AHRR: variants seen among roughly 807,000 people sequenced by gnomAD.
AHRR encodes the protein aryl hydrocarbon receptor repressor.
In AHRR, 28 loss-of-function variants were observed where a neutral mutation model predicts 44.0. That is an observed-to-expected ratio of 0.64 (90% CI 0.47 to 0.87). The LOEUF is 0.87. AHRR is among the 40% of genes least tolerant of loss of function. The pLI, the probability that AHRR is intolerant of heterozygous loss-of-function variation, is 0.00. For synonymous variants in AHRR, 434 were observed against 407.0 expected (o/e 1.07, Z -0.80); for missense variants, 990 against 953.9 (o/e 1.04, Z -0.50).
Position 383,550 on chromosome 5 carries a change from C to A in AHRR, c.351+6834C>A, listed in dbSNP as rs1734063445. Among the ~76,000 whole-genome samples the A allele has an allele frequency of 6.6e-6, 1 of 151,392 alleles. No homozygotes were observed. The highest frequency in any genetic ancestry group is 1.5e-5 in the Non-Finnish European group (1 of 67,890). On this transcript the variant is annotated intron_variant, in intron 4 of 10. Transcript: ENST00000684583. This position sits in a 1 kb window ranked among gnomAD's most constrained non-coding sequence, Gnocchi z 4.0. ...CTTTGTCTGGTACTAATATAGCATT[C>A]CAGCTTTCTTTTCTTTTTTTTTTTT...
chr5:369,150 C>T (rs1314089102), intron 3 of AHRR, among the ~76,000 whole-genome samples: 1 of 152,216 alleles, frequency 6.6e-6, no homozygotes, highest in African/African-American at 2.4e-5. Context: ...CTGGGACCCC[C>T]TTCTGACTTG....
At chr5:354,612 C>T (rs937621833) in intron 3 of AHRR, among the ~76,000 whole-genome samples, 1 of 151,976 alleles carries the variant, frequency 6.6e-6, no homozygotes, top group Non-Finnish European at 1.5e-5. Context: ...GACCGTGGGG[C>T]CTTTGCTGTT....
At chr5:415,405 TCGGGTGGGAGGCCTA>T (rs1735704301) in intron 5 of AHRR, among the ~76,000 whole-genome samples, 10 of 133,598 alleles carry the variant, frequency 7.5e-5, no homozygotes, top group African/African-American at 1.8e-4. Context: ...GTCTGCCTGG[TCGGGTGGGAGGCCTA>T]GGGGCCGAAT....
intron 3 of AHRR, among the ~76,000 whole-genome samples, chr5:371,426 G>A (rs191715037): frequency 6.6e-6 from 1 of 152,216 alleles, no homozygotes; most frequent in Non-Finnish European, 1.5e-5. Flanking sequence ...CAGGATTTCA[G>A]CCCAGCCCTG....
intron 3 of AHRR, among the ~76,000 whole-genome samples, chr5:361,277 G>T (rs1190199346): frequency 2.0e-5 from 3 of 152,178 alleles, no homozygotes. Flanking sequence ...ACTTGCACGT[G>T]GTGAAACAGC....
At chr5:426,998 AGATG>A (rs35631406) in intron 7 of AHRR, among the ~76,000 whole-genome samples, 4,209 of 132,046 alleles carry the variant, frequency 0.032, 113 homozygotes, top group Middle Eastern at 0.1. Flanking sequence ...GTGGATGTGA[AGATG>A]GATGGGTGGG....
At chr5:410,052 C>T (rs79666096) in intron 4 of AHRR, among the ~76,000 whole-genome samples, 1 of 152,316 alleles carries the variant, frequency 6.6e-6, no homozygotes, top group African/African-American at 2.4e-5. Flanking sequence ...AGTGCCTTGG[C>T]TGAGGGTCAG....
chr5:392,274 G>A (rs112458321), intron 4 of AHRR, among the ~76,000 whole-genome samples: 105 of 53,952 alleles, frequency 1.9e-3, no homozygotes, highest in African/African-American at 9.9e-3. Context: ...GCGTGCACGG[G>A]CGCAGGGCGA....
chr5:340,688 A>ATATATATATATTTT (rs1269938749), intron 1 of AHRR, among the ~76,000 whole-genome samples: 1 of 12,916 alleles, frequency 7.7e-5, no homozygotes, highest in East Asian at 1.8e-3. Context: ...ATATATATAT[A>ATATATATATATTTT]TTTTTTTTTT....
Position 383,661 on chromosome 5 carries a change from CAA to C in AHRR, c.351+6946_351+6947del, listed in dbSNP as rs1277545671. On this transcript the variant is annotated intron_variant, in intron 4 of 10. Coordinates refer to ENST00000684583, the MANE Select transcript of AHRR (RefSeq NM_001377236.1). The surrounding 1 kb of genome is among the most constrained non-coding windows in gnomAD (Gnocchi z 4.0). The stretch of plus-strand genomic sequence containing the variant: ...CACTGTAACCTTGAACTCCTGAGCT[CAA>C]GAGATCCTCCCGCTTCAGCTTCTTG... 2.0e-5 allele frequency among the ~76,000 whole-genome samples: 3 copies of C among 152,032 alleles called. No homozygotes were observed.
intron 1 of AHRR, among the ~76,000 whole-genome samples, chr5:325,449 A>T (rs1245810982): frequency 6.6e-6 from 1 of 152,124 alleles, no homozygotes; most frequent in East Asian, 1.9e-4. Flanking sequence ...TTCCTGTTTG[A>T]GTCGAAAGGC....
intron 3 of AHRR, among the ~76,000 whole-genome samples, chr5:354,112 A>G (rs921203006): frequency 6.6e-6 from 1 of 152,186 alleles, no homozygotes; most frequent in East Asian, 1.9e-4. Flanking sequence ...CCCTGGGGCC[A>G]GGTCTGGCCC....
At chr5:407,201 G>A (rs946369447) in intron 4 of AHRR, among the ~76,000 whole-genome samples, 2 of 152,110 alleles carry the variant, frequency 1.3e-5, no homozygotes, top group African/African-American at 2.4e-5. Flanking sequence ...TGCCAGCTGC[G>A]TAATCAGTTT....
At chr5:340,689 T>TATATATATATATA (rs1491423678) in intron 1 of AHRR, among the ~76,000 whole-genome samples, 17 of 17,372 alleles carry the variant, frequency 9.8e-4, no homozygotes, top group Non-Finnish European at 1.2e-3. Context: ...TATATATATA[T>TATATATATATATA]TTTTTTTTTT....
chr5:429,101 T>C (rs1736600908), intron 8 of AHRR, among the ~76,000 whole-genome samples: 1 of 152,186 alleles, frequency 6.6e-6, no homozygotes, highest in Non-Finnish European at 1.5e-5. Flanking sequence ...TTTCCTAGAA[T>C]GTGTTAAGTC....
chr5:420,805 GCAGCCACCCAC>G (rs1736051920), intron 5 of AHRR: 1 of 79,844 alleles, frequency 1.3e-5, no homozygotes, highest in African/African-American at 1.5e-4. Context: ...ACGCAGCCAC[GCAGCCACCCAC>G]CCACGCAGCC....
rs926822427 is a variant in AHRR, at chr5:428,078, T to C, written c.908+72T>C. 1.7e-5 allele frequency: 25 copies of C among 1,461,750 alleles called. No individual in the cohort carries two copies. In the Middle Eastern group the frequency reaches 5.5e-4, roughly 32 times the overall value. The allele number at this position is 1,461,750 out of a possible 1,614,324, so 90.5% of individuals were successfully genotyped here. A position where few individuals can be genotyped will look rare whatever the true frequency, so the allele number is the denominator to read the frequency against. ...CCCCACAAAACACCTCCACACTCAG[T>C]GTTTTCTGTGTCTTCTTTCTTCATT... On this transcript the variant is annotated intron_variant, in intron 8 of 10. Transcript: ENST00000684583.
At chr5:430,746 T>G (rs1736686017) in intron 8 of AHRR, among the ~76,000 whole-genome samples, 1 of 152,210 alleles carries the variant, frequency 6.6e-6, no homozygotes, top group Non-Finnish European at 1.5e-5. Flanking sequence ...TGGGCCCTGC[T>G]AGCCCCACCT....
chr5:420,720 G>A (rs1298589666), intron 5 of AHRR, among the ~76,000 whole-genome samples: 1 of 151,930 alleles, frequency 6.6e-6, no homozygotes, highest in South Asian at 2.1e-4. Context: ...ATGGAAGGCG[G>A]CCCAGAAGGG....
Sources: allele counts gnomAD v4.1 joint callset (sites outside exome capture counted in the v4.1 genomes callset), GRCh38; gene constraint gnomAD v4.1.1; non-coding constraint Gnocchi (gnomAD v3.1); transcripts MANE v1.5; gene names NCBI Gene and HGNC (gene_info 2026-07-23, HGNC 2026-07-21).